Variants in CLEC7A observed in about 807,000 individuals in gnomAD.
The protein encoded by CLEC7A is C-type lectin domain family 7 member A.
A neutral mutation model predicts 26.9 loss-of-function variants in CLEC7A; 25 were observed. That is an observed-to-expected ratio of 0.93 (90% CI 0.68 to 1.30). CLEC7A has a LOEUF of 1.30. Ranked by LOEUF, CLEC7A falls within the 50% of genes most tolerant of loss-of-function variation. The pLI is 0.00. For synonymous variants in CLEC7A, 100 were observed against 99.5 expected (o/e 1.01, Z -0.03); for missense variants, 275 against 286.7 (o/e 0.96, Z 0.29).
intron 5 of CLEC7A, among the ~76,000 whole-genome samples, chr12:10,121,276 G>GAA (rs59904538): frequency 1.4e-4 from 20 of 140,766 alleles, no homozygotes; most frequent in East Asian, 4.2e-4. Context: ...CAAATGAACA[G>GAA]AAAAAAAAAA....
intron 3 of CLEC7A, 142 bp downstream of exon 3, chr12:10,126,429 C>T: frequency 7.1e-7 from 1 of 1,414,236 alleles, no homozygotes; most frequent in Non-Finnish European, 9.3e-7. Context: ...ATACATTACA[C>T]TAAGGTAATA....
chr12:10,127,049 G>A (rs1211822266), intron 2 of CLEC7A: 4 of 1,391,550 alleles, frequency 2.9e-6, no homozygotes, highest in Admixed American at 4.4e-5. Context: ...CCTTTCTTCT[G>A]TTATTTAAAA....
At chr12:10,120,757 CTT>C (rs71049047) in intron 5 of CLEC7A, among the ~76,000 whole-genome samples, 337 of 137,782 alleles carry the variant, frequency 2.4e-3, no homozygotes, top group Middle Eastern at 3.6e-3. Context: ...TTTTCTTTTT[CTT>C]TTTTTTTTTT....
chr12:10,118,172 C>A lies in CLEC7A; in HGVS notation c.*286G>T, dbSNP rs537612920. 2 of 298,972 alleles carry A rather than the reference C, an allele frequency of 6.7e-6. No homozygotes were observed. Among genetic ancestry groups the A allele is most frequent in the South Asian group, 3.8e-5 (1 of 26,104 alleles). 18.5% of individuals were successfully genotyped at this position (298,972 alleles called of 1,614,324 possible). A position where few individuals can be genotyped will look rare whatever the true frequency, so the allele number is the denominator to read the frequency against. On this transcript the variant is annotated 3_prime_UTR_variant, in exon 6 of 6. Transcript: ENST00000304084. ...CTCCAGCCTGGGTAACAAAGTGAGA[C>A]CCTATCTCAAAAAAATAAATAAATA...
At chr12:10,123,136 C>G (rs562349626) in intron 5 of CLEC7A, 109 bp downstream of exon 5, 12 of 684,756 alleles carry the variant, frequency 1.8e-5, no homozygotes, top group Non-Finnish European at 2.9e-5. Context: ...CTCTCTTTCT[C>G]ATATATGGTG....
In CLEC7A at chr12:10,126,662, G is replaced by GTAGC; in HGVS notation, c.245_248dup (p.Tyr83Ter). 1 of 1,612,244 alleles carries GTAGC rather than the reference G, an allele frequency of 6.2e-7. No individual in the cohort carries two copies. Among genetic ancestry groups the GTAGC allele is most frequent in the Non-Finnish European group, 8.5e-7 (1 of 1,179,440 alleles). On this transcript the variant is annotated stop_gained and frameshift_variant, in exon 3 of 6. Coordinates refer to ENST00000304084, the MANE Select transcript of CLEC7A (RefSeq NM_197947.3). LOFTEE classifies it high-confidence loss of function. ...GGTTCTCTTTATTTCTTGATAGAAA[G>GTAGC]TAGCCATTCTCCAATGTGTTGCTTC... is the stretch of plus-strand genomic sequence containing the variant.
At position 10,127,446 on chromosome 12, in the gene CLEC7A, T is replaced by C. The variant is rs761779615; in HGVS notation, c.202+301A>G. The C allele has an allele frequency of 2.6e-5, 42 of 1,613,754 alleles. 1 individual carries two copies. The highest frequency in any genetic ancestry group is 3.5e-5 in the Non-Finnish European group (41 of 1,179,836). Reference sequence around the variant, plus strand: ...AATTCCACAGCTTTGAAACCAGCTATGTAAGGGAGGTAGGAGAGCAATGTA... The same window carrying C: ...AATTCCACAGCTTTGAAACCAGCTACGTAAGGGAGGTAGGAGAGCAATGTA... On this transcript the variant is annotated intron_variant, in intron 2 of 5. Transcript: ENST00000304084.
At position 10,123,351 on chromosome 12, in the gene CLEC7A, T is replaced by G. The variant is rs1489162130; in HGVS notation, c.505A>C (p.Lys169Gln). 6.3e-7 allele frequency: 1 copy of G among 1,581,722 alleles called. No homozygotes were observed. ...TTATCAGGTTGGGAAGACACTTGTT[T>G]TACTATAAATCCCTGTAATGAAACA... ...DSSNELGFIV[K>Q]QVSSQPDNSF... is the part of the protein sequence containing the mutation. Residue 169 changes from lysine (K) to glutamine (Q), a missense_variant, in exon 5 of 6, where the codon AAA (lysine) becomes CAA (glutamine). By Grantham distance (53) the Lys-to-Gln change is moderately conservative (BLOSUM62 1). Transcript: ENST00000304084.
Position 10,125,368 on chromosome 12 carries a change from A to G in CLEC7A, c.421T>C (p.Trp141Arg), listed in dbSNP as rs761503556. The G allele has an allele frequency of 1.6e-5, 26 of 1,613,652 alleles. No homozygotes were observed. Among genetic ancestry groups the G allele is most frequent in the Non-Finnish European group, 1.8e-5 (21 of 1,179,828 alleles). The change falls in exon 4 of 6, where the codon TGG (tryptophan) becomes CGG (arginine). Residue 141 changes from tryptophan to arginine, a missense_variant. Coordinates refer to ENST00000304084, the MANE Select transcript of CLEC7A (RefSeq NM_197947.3). ...CAGCATTGTCTTTTACTTCCATCCC[A>G]GGAATTTAGTGACATGCTGAATAGA... is the stretch of plus-strand genomic sequence containing the variant. ...CYLFSMSLNSWDGSKRQCWQL... is the reference protein window; with the variant it reads ...CYLFSMSLNSRDGSKRQCWQL...
Position 10,118,224 on chromosome 12 carries a change from C to A in CLEC7A, c.*234G>T. 1 of 468,682 alleles carries A rather than the reference C, an allele frequency of 2.1e-6. No individual in the cohort carries two copies. The highest frequency in any genetic ancestry group is 2.0e-5 in the African/African-American group (1 of 48,962). The allele number at this position is 468,682 out of a possible 1,614,324, so 29.0% of individuals were successfully genotyped here. On this transcript the variant is annotated 3_prime_UTR_variant, in exon 6 of 6. Coordinates refer to ENST00000304084, the MANE Select transcript of CLEC7A (RefSeq NM_197947.3). ...AAAATAAAAACTCAAGCTTGGCTGC[C>A]CTGATTCCATGTCTAGGGATCTACT...
At chr12:10,127,508 T>C (rs1948331488) in intron 2 of CLEC7A, 1 of 1,471,948 alleles carries the variant, frequency 6.8e-7, no homozygotes, top group African/African-American at 1.4e-5. Context: ...ATCACCCAAA[T>C]TTCTAATCAT....
chr12:10,128,026 C>T (rs1948356004), intron 1 of CLEC7A, among the ~76,000 whole-genome samples, 181 bp from the exon 2 acceptor site: 1 of 144,900 alleles, frequency 6.9e-6, no homozygotes, highest in East Asian at 2.0e-4. Context: ...GCCTGGGCAA[C>T]ACAGGGAGAC....
intron 5 of CLEC7A, among the ~76,000 whole-genome samples, chr12:10,120,762 T>C (rs1948059194): frequency 6.7e-6 from 1 of 150,168 alleles, no homozygotes; most frequent in African/African-American, 2.4e-5. Flanking sequence ...TTTTTCTTTT[T>C]TTTTTTTTTT....
In CLEC7A at chr12:10,127,243, G is replaced by A. The variant is rs1591960858; in HGVS notation, c.202+504C>T. 5 of 1,363,860 alleles carry A rather than the reference G, an allele frequency of 3.7e-6. No individual in the cohort carries two copies. The East Asian group carries it at 9.2e-5, about 25-fold the overall frequency. The allele number at this position is 1,363,860 out of a possible 1,614,324, so 84.5% of individuals were successfully genotyped here. ...ATCGACTTAAGACCAAGTGCCTCAGGAAATTTCTGGTGTATTCAAAGGTGT... is the reference window on the plus strand; with the variant it reads ...ATCGACTTAAGACCAAGTGCCTCAGAAAATTTCTGGTGTATTCAAAGGTGT... On this transcript the variant is annotated intron_variant, in intron 2 of 5. Transcript: ENST00000304084.
chr12:10,127,351 T>C (rs1948324205), intron 2 of CLEC7A: 2 of 1,566,852 alleles, frequency 1.3e-6, no homozygotes, highest in East Asian at 4.5e-5. Context: ...ATTTATTTCA[T>C]TAGGAAGACA....
intron 5 of CLEC7A, among the ~76,000 whole-genome samples, chr12:10,121,240 T>C (rs994443434): frequency 1.4e-5 from 2 of 147,120 alleles, no homozygotes; most frequent in Non-Finnish European, 3.0e-5. Context: ...GTAAAAGAGA[T>C]GTAAAAGACA....
chr12:10,118,386 T>C lies in CLEC7A; in HGVS notation c.*72A>G. The C allele has an allele frequency of 7.1e-7, 1 of 1,402,516 alleles. No homozygotes were observed. The highest frequency in any genetic ancestry group is 1.0e-6 in the Non-Finnish European group (1 of 1,004,310). The allele number at this position is 1,402,516 out of a possible 1,614,324, so 86.9% of individuals were successfully genotyped here. Reference sequence around the variant, plus strand: ...CTGCATTTATCTTGACCTCAGCTGTTACTCTTTTCTGTTCTGTTTTCTGTC... The same window carrying C: ...CTGCATTTATCTTGACCTCAGCTGTCACTCTTTTCTGTTCTGTTTTCTGTC... On this transcript the variant is annotated 3_prime_UTR_variant, in exon 6 of 6. Transcript: ENST00000304084.
chr12:10,129,144 G>A lies in CLEC7A; in HGVS notation c.103+836C>T, dbSNP rs546390093. On this transcript the variant is annotated intron_variant, in intron 1 of 5. Transcript: ENST00000304084. ...TTTGTTTAAGACTCATGTCCTGCTG[G>A]TGGGATGTTTTTATCTACCATATGT... is the stretch of plus-strand genomic sequence containing the variant. Among the ~76,000 whole-genome samples, 7 of 152,122 alleles carry A rather than the reference G, an allele frequency of 4.6e-5. No individual in the cohort carries two copies. In the East Asian group the frequency reaches 1.4e-3, roughly 29 times the overall value.
At chr12:10,128,734 C>A (rs1160248130) in intron 1 of CLEC7A, among the ~76,000 whole-genome samples, 1 of 152,154 alleles carries the variant, frequency 6.6e-6, no homozygotes, top group East Asian at 1.9e-4. Context: ...TACCGTTTGC[C>A]TACACATATG....
Sources: gnomAD v4.1 joint callset for allele counts (sites outside exome capture counted in the v4.1 genomes callset) on GRCh38, gnomAD v4.1.1 for gene constraint, MANE v1.5 for transcripts, NCBI Gene and HGNC (gene_info 2026-07-23, HGNC 2026-07-21) for gene names.